TBCD: variants seen among roughly 807,000 people sequenced by gnomAD.
The protein encoded by TBCD is tubulin-specific chaperone D.
TBCD carries 105 observed loss-of-function variants against 169.3 expected under a neutral mutation model. The observed-to-expected ratio is 0.62, with a 90% CI of 0.53 to 0.73. The LOEUF is 0.73. TBCD is among the 30% of genes least tolerant of loss of function. The pLI is 0.00. For missense variants in TBCD, 1,444 were observed against 1,600.1 expected (o/e 0.90, Z 1.66); for synonymous variants, 700 against 643.9 (o/e 1.09, Z -1.32).
intron 13 of TBCD, among the ~76,000 whole-genome samples, chr17:82,850,891 A>G (rs956324542): frequency 6.6e-6 from 1 of 152,242 alleles, no homozygotes; most frequent in Non-Finnish European, 1.5e-5. Flanking sequence ...ACACCTCCCA[A>G]TTATTGATAA....
chr17:82,894,405 C>T (rs1028445332), intron 17 of TBCD, among the ~76,000 whole-genome samples: 5 of 152,102 alleles, frequency 3.3e-5, no homozygotes, highest in Non-Finnish European at 5.9e-5. Flanking sequence ...ATTTATTTGC[C>T]TTAAATTAGG....
chr17:82,826,277 C>T lies in TBCD; in HGVS notation c.1318+11343C>T, dbSNP rs2052841835. Among the ~76,000 whole-genome samples the T allele has an allele frequency of 3.3e-5, 5 of 150,622 alleles. 1 individual carries two copies. In the South Asian group the frequency reaches 1.0e-3, roughly 31 times the overall value. On this transcript the variant is annotated intron_variant, in intron 13 of 38. Transcript: ENST00000355528. The stretch of plus-strand genomic sequence containing the variant: ...CTTTTAAGTTTTAAGGTGCTAGTTA[C>T]TTAGAAGTTTTTTTAGATTGGGTTT...
intron 23 of TBCD, among the ~76,000 whole-genome samples, chr17:82,912,402 C>T (rs1437987474): frequency 6.7e-6 from 1 of 148,992 alleles, no homozygotes; most frequent in Non-Finnish European, 1.5e-5. Flanking sequence ...GCGTAGAACA[C>T]ATTTTAGACT....
In TBCD at chr17:82,832,174, C is replaced by T. The variant is rs2145276773; in HGVS notation, c.1318+17240C>T. 2.5e-6 allele frequency: 4 copies of T among 1,614,214 alleles called. No individual in the cohort carries two copies. The highest frequency in any genetic ancestry group is 2.5e-6 in the Non-Finnish European group (3 of 1,180,040). On this transcript the variant is annotated intron_variant, in intron 13 of 38. Transcript: ENST00000355528. The surrounding 1 kb of genome is among the most constrained non-coding windows in gnomAD (Gnocchi z 4.9). ...AAGCTTCGAGTCGAAGGCAGAGAGTCCATTTGCGACAGACTTGGAAGAGGC... is the reference window on the plus strand; with the variant it reads ...AAGCTTCGAGTCGAAGGCAGAGAGTTCATTTGCGACAGACTTGGAAGAGGC...
chr17:82,896,295 G>A (rs1324823514), intron 17 of TBCD, among the ~76,000 whole-genome samples: 2 of 152,112 alleles, frequency 1.3e-5, no homozygotes, highest in Non-Finnish European at 2.9e-5. Flanking sequence ...GTGGTACGTG[G>A]CGTCTGTCTC....
At chr17:82,830,430 C>T (rs1402397212) in intron 13 of TBCD, 2 of 1,611,700 alleles carry the variant, frequency 1.2e-6, no homozygotes, top group South Asian at 1.1e-5. Context: ...GCTTCTGCTC[C>T]TCGCTGCTGT....
Position 82,870,401 on chromosome 17 carries a change from A to G in TBCD, c.1475+21A>G, listed in dbSNP as rs78036278. On this transcript the variant is annotated intron_variant, in intron 14 of 38. Transcript: ENST00000355528. ...TCGAGGTAGGCCCATTCGTCGAGGT[A>G]CATCGGATGCGCCGTGCCCCCTGAC... is the stretch of plus-strand genomic sequence containing the variant. 7,423 of 1,608,148 alleles carry G rather than the reference A, an allele frequency of 4.6e-3. 316 individuals carry two copies. The African/African-American group carries it at 0.086, about 19-fold the overall frequency.
At chr17:82,887,469 G>A (rs1325101120) in intron 15 of TBCD, among the ~76,000 whole-genome samples, 1 of 152,198 alleles carries the variant, frequency 6.6e-6, no homozygotes, top group East Asian at 1.9e-4. Context: ...CCCGAGCGTG[G>A]TGGGTGGTGC....
chr17:82,900,666 C>G lies in TBCD; in HGVS notation c.1665C>G (p.Gly555=). 6.2e-7 allele frequency: 1 copy of G among 1,613,960 alleles called. No homozygotes were observed. The highest frequency in any genetic ancestry group is 8.5e-7 in the Non-Finnish European group (1 of 1,179,848). The change falls in exon 18 of 39, where the codon GGC becomes GGG. Residue 555 remains glycine, a synonymous_variant. Transcript: ENST00000355528. ...TCTTTTCCAGTGTGTTTATTGCCGG[C>G]TTTCCTGAGTACACGCAGCCAATGA... The part of the protein sequence containing the change: ...CFLVISVFIA[G]FPEYTQPMID...
intron 33 of TBCD, among the ~76,000 whole-genome samples, chr17:82,932,304 A>G (rs1196650302): frequency 1.3e-5 from 2 of 152,092 alleles, no homozygotes; most frequent in Non-Finnish European, 2.9e-5. Flanking sequence ...AGCGGTGCCC[A>G]CCCCAATTGC....
chr17:82,840,305 T>C (rs1453184623), intron 13 of TBCD: 2 of 152,264 alleles, frequency 1.3e-5, no homozygotes, highest in Non-Finnish European at 2.9e-5. Context: ...TAGAGATTAC[T>C]ATATTCATCA....
chr17:82,791,808 G>T (rs564502317), intron 7 of TBCD, among the ~76,000 whole-genome samples: 8 of 152,146 alleles, frequency 5.3e-5, no homozygotes, highest in Non-Finnish European at 7.4e-5. Context: ...CAGTGTCGTC[G>T]TGTGAACACC....
chr17:82,905,768 G>A (rs2060202706), intron 19 of TBCD, among the ~76,000 whole-genome samples, 168 bp from the exon 20 acceptor site: 3 of 136,874 alleles, frequency 2.2e-5, no homozygotes, highest in South Asian at 4.9e-4. Flanking sequence ...TGTGCACGCC[G>A]TCGCCTGCCC....
chr17:82,813,687 T>G (rs1054843807), intron 12 of TBCD, among the ~76,000 whole-genome samples: 1 of 152,204 alleles, frequency 6.6e-6, no homozygotes, highest in Non-Finnish European at 1.5e-5. Context: ...TTGTGAAAGG[T>G]GTGAAGCATC....
rs761246083 is a variant in TBCD, at chr17:82,831,375, C to T, written c.1318+16441C>T. ...CCGAAGGGTTTAACCTGGAAGGACTCGAGGCTGGATAGACCAGGGTGGCTT... is the reference window on the plus strand; with the variant it reads ...CCGAAGGGTTTAACCTGGAAGGACTTGAGGCTGGATAGACCAGGGTGGCTT... On this transcript the variant is annotated intron_variant, in intron 13 of 38. Transcript: ENST00000355528. This position sits in a 1 kb window ranked among gnomAD's most constrained non-coding sequence, Gnocchi z 4.6. 7 of 1,613,792 alleles carry T rather than the reference C, an allele frequency of 4.3e-6. No individual in the cohort carries two copies. The highest frequency in any genetic ancestry group is 3.3e-5 in the South Asian group (3 of 91,060).
In TBCD at chr17:82,922,673, C is replaced by T. The variant is rs2147175041; in HGVS notation, c.2179-979C>T. Among the ~76,000 whole-genome samples the T allele has an allele frequency of 6.6e-6, 1 of 152,294 alleles. No homozygotes were observed. Among genetic ancestry groups the T allele is most frequent in the South Asian group, 2.1e-4 (1 of 4,830 alleles). ...TGGCCATGATGCTGGTGCACTTTGC[C>T]CCTGGGATTGGCACAGGTGGTGACT... On this transcript the variant is annotated intron_variant, in intron 25 of 38. Transcript: ENST00000355528. The surrounding 1 kb of genome is among the most constrained non-coding windows in gnomAD (Gnocchi z 4.1).
Position 82,922,185 on chromosome 17 carries a change from A to T in TBCD, c.2178+608A>T, listed in dbSNP as rs1329728731. On this transcript the variant is annotated intron_variant, in intron 25 of 38. Coordinates refer to ENST00000355528, the MANE Select transcript of TBCD (RefSeq NM_005993.5). The surrounding 1 kb of genome is among the most constrained non-coding windows in gnomAD (Gnocchi z 4.1). The stretch of plus-strand genomic sequence containing the variant: ...AGGCCAGCCTGGCCAACATGGTGAA[A>T]CCCCATCTCTACTAAAAATACAAAA... Among the ~76,000 whole-genome samples the T allele has an allele frequency of 6.6e-6, 1 of 152,144 alleles. No individual in the cohort carries two copies. Among genetic ancestry groups the T allele is most frequent in the African/African-American group, 2.4e-5 (1 of 41,418 alleles).
intron 8 of TBCD, among the ~76,000 whole-genome samples, 160 bp downstream of exon 8, chr17:82,797,962 C>CA (rs2050222840): frequency 4.1e-5 from 2 of 49,018 alleles, no homozygotes; most frequent in Non-Finnish European, 7.3e-5. Flanking sequence ...AGTAACTGAA[C>CA]TTTTTTTTTT....
At chr17:82,897,696 A>G (rs1449582720) in intron 17 of TBCD, among the ~76,000 whole-genome samples, 1 of 152,166 alleles carries the variant, frequency 6.6e-6, no homozygotes, top group Non-Finnish European at 1.5e-5. Flanking sequence ...TCCCTCCAGG[A>G]GGCGCCATCC....
Sources: allele counts gnomAD v4.1 joint callset (sites outside exome capture counted in the v4.1 genomes callset), GRCh38; gene constraint gnomAD v4.1.1; non-coding constraint Gnocchi (gnomAD v3.1); transcripts MANE v1.5; gene names NCBI Gene and HGNC (gene_info 2026-07-23, HGNC 2026-07-21).